AGBL1: variants seen among roughly 807,000 people sequenced by gnomAD.
AGBL1 encodes the protein AGBL carboxypeptidase 1, also known as cytosolic carboxypeptidase 4.
AGBL1 carries 130 observed loss-of-function variants against 118.9 expected under a neutral mutation model. The observed-to-expected ratio is 1.09, with a 90% CI of 0.95 to 1.26. The LOEUF is 1.26. Among genes scored for constraint, AGBL1 ranks in the 50% most tolerant of loss-of-function variants. The pLI is 0.00. For synonymous variants in AGBL1, 555 were observed against 478.9 expected (o/e 1.16, Z -2.08); for missense variants, 1,584 against 1,298.1 (o/e 1.22, Z -3.38).
intron 22 of AGBL1, among the ~76,000 whole-genome samples, chr15:86,848,920 AC>A (rs1480818868): frequency 2.0e-5 from 3 of 152,156 alleles, no homozygotes; most frequent in Non-Finnish European, 2.9e-5. Flanking sequence ...TTTACAAATT[AC>A]CACCCCTTTT....
intron 18 of AGBL1, among the ~76,000 whole-genome samples, chr15:86,466,976 G>C (rs1005644538): frequency 2.0e-5 from 3 of 152,250 alleles, no homozygotes; most frequent in Non-Finnish European, 4.4e-5. Context: ...GAGGCAGTCT[G>C]TCCCTTAGCA....
intron 24 of AGBL1, among the ~76,000 whole-genome samples, chr15:87,012,550 G>C (rs16939688): frequency 0.1 from 15,633 of 152,008 alleles, 1,613 homozygotes; most frequent in African/African-American, 0.27. Context: ...ACCACTGATG[G>C]AAACAGAATG....
chr15:86,100,840 A>C (rs992612320), intron 1 of AGBL1, among the ~76,000 whole-genome samples: 4 of 151,862 alleles, frequency 2.6e-5, no homozygotes. Context: ...GTTGACCCTT[A>C]GTATTATTTT....
chr15:86,561,651 C>G (rs888667656), intron 21 of AGBL1, among the ~76,000 whole-genome samples: 1 of 152,074 alleles, frequency 6.6e-6, no homozygotes, highest in Non-Finnish European at 1.5e-5. Flanking sequence ...TTTTTTGGTG[C>G]TATATGAACT....
At chr15:86,825,468 A>G (rs1430783465) in intron 22 of AGBL1, among the ~76,000 whole-genome samples, 1 of 150,086 alleles carries the variant, frequency 6.7e-6, no homozygotes, top group Non-Finnish European at 1.5e-5. Context: ...TCAATAATAT[A>G]CTAAATAAAA....
chr15:86,474,872 C>T (rs554129958), intron 18 of AGBL1, among the ~76,000 whole-genome samples: 95 of 152,288 alleles, frequency 6.2e-4, no homozygotes, highest in African/African-American at 1.9e-3. Context: ...CCCTCTGAGA[C>T]GAAGCTTTCA....
intron 18 of AGBL1, among the ~76,000 whole-genome samples, chr15:86,474,278 A>C (rs1274365440): frequency 1.3e-5 from 2 of 152,228 alleles, no homozygotes; most frequent in African/African-American, 4.8e-5. Flanking sequence ...AGGGCAAGGC[A>C]TTGCCTCATC....
chr15:86,438,452 C>G (rs1421545086), intron 18 of AGBL1, among the ~76,000 whole-genome samples: 2 of 152,128 alleles, frequency 1.3e-5, no homozygotes, highest in African/African-American at 4.8e-5. Context: ...TCAGAAATGA[C>G]CTCCTTATCC....
intron 22 of AGBL1, among the ~76,000 whole-genome samples, chr15:86,740,062 A>G (rs549972899): frequency 3.7e-4 from 56 of 152,346 alleles, no homozygotes; most frequent in Non-Finnish European, 6.8e-4. Flanking sequence ...TTAAAGAGGC[A>G]ATACATTTTT....
chr15:87,003,315 C>G (rs529320008), intron 24 of AGBL1, among the ~76,000 whole-genome samples: 91 of 151,768 alleles, frequency 6.0e-4, no homozygotes, highest in Middle Eastern at 3.4e-3. Flanking sequence ...GTCTTGCATC[C>G]CAGGGATGAA....
intron 21 of AGBL1, among the ~76,000 whole-genome samples, chr15:86,561,713 G>C (rs1456730625): frequency 6.6e-6 from 1 of 152,090 alleles, no homozygotes; most frequent in Non-Finnish European, 1.5e-5. Flanking sequence ...AGCTTGATGG[G>C]GATGACATTG....
chr15:86,676,200 T>C (rs1343636037), intron 22 of AGBL1, among the ~76,000 whole-genome samples: 1 of 152,162 alleles, frequency 6.6e-6, no homozygotes, highest in African/African-American at 2.4e-5. Flanking sequence ...CTACTTTGAA[T>C]ATATTTGAAT....
rs138002564 is a variant in AGBL1 at position 86,495,428 on chromosome 15, A to G, written c.2556-27382A>G. Among the ~76,000 whole-genome samples, 779 of 150,238 alleles carry G rather than the reference A, an allele frequency of 5.2e-3. 15 individuals are homozygous for G. The highest frequency in any genetic ancestry group is 6.9e-3 in the Middle Eastern group (2 of 290). ...AAAAAAACCTTATAAAAGAAATTTCATTAAAAAAACCTTATAAAAATTTGA... is the reference window on the plus strand; with the variant it reads ...AAAAAAACCTTATAAAAGAAATTTCGTTAAAAAAACCTTATAAAAATTTGA... On this transcript the variant is annotated intron_variant, in intron 18 of 22. Transcript: ENST00000614907.
intron 22 of AGBL1, among the ~76,000 whole-genome samples, chr15:86,829,620 G>T (rs915854696): frequency 6.6e-6 from 1 of 152,070 alleles, no homozygotes; most frequent in Non-Finnish European, 1.5e-5. Context: ...CTGAGATAAG[G>T]ACACACAGGC....
At chr15:86,942,038 T>C (rs745359837) in intron 23 of AGBL1, among the ~76,000 whole-genome samples, 27 of 152,196 alleles carry the variant, frequency 1.8e-4, no homozygotes, top group Non-Finnish European at 3.8e-4. Context: ...CAATATACAG[T>C]ATTCTCTCCA....
intron 21 of AGBL1, among the ~76,000 whole-genome samples, chr15:86,574,766 C>T (rs1356954552): frequency 6.6e-6 from 1 of 151,174 alleles, no homozygotes; most frequent in Admixed American, 6.6e-5. Context: ...TTAGTAGAGA[C>T]GGGGTTTCAC....
chr15:86,920,875 G>T (rs1171483924), downstream of AGBL1, among the ~76,000 whole-genome samples: 1 of 152,158 alleles, frequency 6.6e-6, no homozygotes, highest in Non-Finnish European at 1.5e-5. Flanking sequence ...TGCCTGAGCT[G>T]GGATGTGAAC....
At chr15:86,170,721 C>T (rs575833341) in intron 5 of AGBL1, among the ~76,000 whole-genome samples, 32 of 152,162 alleles carry the variant, frequency 2.1e-4, no homozygotes, top group African/African-American at 7.7e-4. Flanking sequence ...TGGCTCATGC[C>T]TGTAATCCCA....
intron 24 of AGBL1, among the ~76,000 whole-genome samples, chr15:87,027,759 A>T (rs2081747395): frequency 1.3e-5 from 2 of 152,016 alleles, no homozygotes; most frequent in Admixed American, 1.3e-4. Flanking sequence ...GGAAGCCATT[A>T]TCCTCAGCAA....
Sources: gnomAD v4.1 joint callset for allele counts (sites outside exome capture counted in the v4.1 genomes callset) on GRCh38, gnomAD v4.1.1 for gene constraint, MANE v1.5 for transcripts, NCBI Gene and HGNC (gene_info 2026-07-23, HGNC 2026-07-21) for gene names.